DPP6: variants seen among roughly 807,000 people sequenced by gnomAD.
DPP6 encodes dipeptidyl peptidase like 6, also known as A-type potassium channel modulatory protein DPP6.
Under a neutral mutation model 122.6 loss-of-function variants are expected in DPP6, and 69 were observed. The ratio of observed to expected loss-of-function variants is 0.56; its 90% CI spans 0.46 to 0.69. The LOEUF is 0.69. Among genes scored for constraint, DPP6 ranks in the 30% least tolerant of loss-of-function variants. DPP6 has a pLI of 0.00. For synonymous variants in DPP6, 418 were observed against 433.1 expected (o/e 0.97, Z 0.43); for missense variants, 928 against 1,116.9 (o/e 0.83, Z 2.41).
chr7:154,611,098 C>T (rs1290838824), intron 5 of DPP6, among the ~76,000 whole-genome samples: 2 of 152,176 alleles, frequency 1.3e-5, no homozygotes, highest in Non-Finnish European at 2.9e-5. Flanking sequence ...ATGCAGCCAT[C>T]TCTGCAAAGG....
intron 1 of DPP6, among the ~76,000 whole-genome samples, chr7:154,014,711 C>T (rs1798319776): frequency 1.3e-5 from 2 of 152,056 alleles, no homozygotes; most frequent in African/African-American, 4.8e-5. Context: ...GCTAGCTACT[C>T]TGCTTGTATT....
chr7:154,799,961 G>A (rs776799353), intron 12 of DPP6, among the ~76,000 whole-genome samples: 2 of 152,180 alleles, frequency 1.3e-5, no homozygotes, highest in Non-Finnish European at 2.9e-5. Flanking sequence ...TCACAACGGT[G>A]GAGGCCTTCT....
intron 1 of DPP6, among the ~76,000 whole-genome samples, chr7:154,155,266 C>A (rs1796622621): frequency 6.6e-6 from 1 of 152,174 alleles, no homozygotes; most frequent in African/African-American, 2.4e-5. Context: ...CTTGTCCCCG[C>A]CTGCATATGA....
At chr7:154,574,163 A>G (rs1831299107) in intron 5 of DPP6, among the ~76,000 whole-genome samples, 1 of 152,002 alleles carries the variant, frequency 6.6e-6, no homozygotes, top group South Asian at 2.1e-4. Flanking sequence ...CAAAATGCAA[A>G]CTTTGTTAAG....
chr7:154,454,068 G>T (rs1820620280), intron 2 of DPP6, among the ~76,000 whole-genome samples: 1 of 152,054 alleles, frequency 6.6e-6, no homozygotes. Context: ...CTCTGTTAGG[G>T]CTCCTATATT....
intron 2 of DPP6, among the ~76,000 whole-genome samples, chr7:154,470,409 G>A (rs1822159116): frequency 6.6e-6 from 1 of 152,122 alleles, no homozygotes. Flanking sequence ...GAAAGTCTTG[G>A]ACTCTTCTGG....
At chr7:154,631,772 T>G (rs769677052) in intron 5 of DPP6, among the ~76,000 whole-genome samples, 4 of 152,196 alleles carry the variant, frequency 2.6e-5, no homozygotes, top group Non-Finnish European at 5.9e-5. Context: ...TTGAGTTATA[T>G]TCTACAGAAT....
chr7:154,397,149 A>T (rs1815161001), intron 1 of DPP6, among the ~76,000 whole-genome samples: 1 of 150,136 alleles, frequency 6.7e-6, no homozygotes. Flanking sequence ...AATATAAATT[A>T]GATTTATAAG....
intron 17 of DPP6, among the ~76,000 whole-genome samples, chr7:154,856,526 A>G (rs942392544): frequency 6.6e-6 from 1 of 152,266 alleles, no homozygotes; most frequent in African/African-American, 2.4e-5. Context: ...TCTTCGGAAG[A>G]GAGTCCCAGT....
At chr7:154,523,270 A>T in intron 3 of DPP6, among the ~76,000 whole-genome samples, 1 of 152,210 alleles carries the variant, frequency 6.6e-6, no homozygotes, top group East Asian at 1.9e-4. Context: ...TCTACAGAAA[A>T]GTAGAAAACA....
chr7:153,922,734 A>G lies in DPP6; in HGVS notation c.51+35000A>G, dbSNP rs563474506. ...TCTCTTAGATTTGATGAAATGTGGTAAAAGAACATTTACCATGGCAAAAAT... is the reference window on the plus strand; with the variant it reads ...TCTCTTAGATTTGATGAAATGTGGTGAAAGAACATTTACCATGGCAAAAAT... On this transcript the variant is annotated intron_variant, in intron 1 of 25. Transcript: ENST00000404039. Among the ~76,000 whole-genome samples, 30 of 152,330 alleles carry G rather than the reference A, an allele frequency of 2.0e-4. 1 individual carries two copies. In the South Asian group the frequency reaches 4.8e-3, roughly 24 times the overall value.
chr7:154,593,746 G>A (rs1382203897), intron 5 of DPP6, among the ~76,000 whole-genome samples: 2 of 152,186 alleles, frequency 1.3e-5, no homozygotes, highest in Non-Finnish European at 2.9e-5. Context: ...CCACACGCAT[G>A]GCTCTGTTCT....
At chr7:154,574,873 GT>G (rs1831428183) in intron 5 of DPP6, among the ~76,000 whole-genome samples, 1 of 135,364 alleles carries the variant, frequency 7.4e-6, no homozygotes, top group African/African-American at 2.8e-5. Flanking sequence ...GTGTTTGTGT[GT>G]TGTGTGTGTG....
chr7:154,811,879 C>T (rs755313612), intron 16 of DPP6, among the ~76,000 whole-genome samples: 2 of 152,120 alleles, frequency 1.3e-5, no homozygotes, highest in Non-Finnish European at 2.9e-5. Flanking sequence ...TTCTCCTTCC[C>T]TCCTCCTGCA....
the DPP6 span, among the ~76,000 whole-genome samples, chr7:153,762,089 T>C: frequency 6.6e-6 from 1 of 152,188 alleles, no homozygotes; most frequent in Non-Finnish European, 1.5e-5. Flanking sequence ...AAAAACATTT[T>C]CCGCTTCCCC....
chr7:154,817,076 C>T (rs1231390398), intron 16 of DPP6, among the ~76,000 whole-genome samples: 1 of 152,170 alleles, frequency 6.6e-6, no homozygotes, highest in African/African-American at 2.4e-5. Flanking sequence ...TACATCCTCT[C>T]GCTGCAAAAC....
chr7:153,776,495 C>T, the DPP6 span, among the ~76,000 whole-genome samples: 3 of 152,236 alleles, frequency 2.0e-5, no homozygotes, highest in Middle Eastern at 3.4e-3. Flanking sequence ...CCTCCCCAGC[C>T]ATGCTGAACT....
At chr7:153,943,041 G>A (rs1159395933) in intron 1 of DPP6, among the ~76,000 whole-genome samples, 1 of 152,096 alleles carries the variant, frequency 6.6e-6, no homozygotes, top group Non-Finnish European at 1.5e-5. Context: ...CCCTAGATTC[G>A]CCTTTCCATC....
At chr7:153,981,608 T>C (rs1319389542) in intron 1 of DPP6, among the ~76,000 whole-genome samples, 1 of 152,202 alleles carries the variant, frequency 6.6e-6, no homozygotes, top group Non-Finnish European at 1.5e-5. Context: ...GTTACTTTGC[T>C]CATTAGTTGA....
Sources: allele counts gnomAD v4.1 joint callset (sites outside exome capture counted in the v4.1 genomes callset), GRCh38; gene constraint gnomAD v4.1.1; transcripts MANE v1.5; gene names NCBI Gene and HGNC (gene_info 2026-07-23, HGNC 2026-07-21).